The following CHD8 variants were observed in gnomAD, a reference collection of about 807,000 sequenced individuals.
CHD8 encodes chromodomain helicase DNA binding protein 8.
CHD8 carries 31 observed loss-of-function variants against 279.2 expected under a neutral mutation model. The observed-to-expected ratio is 0.11, with a 90% CI of 0.08 to 0.15. The LOEUF is 0.15. CHD8 is among the 10% of genes least tolerant of loss of function. CHD8 has a pLI of 1.00. For synonymous variants in CHD8, 1,081 were observed against 1,139.6 expected, an observed-to-expected ratio of 0.95 and a Z score of 1.04; for missense variants, 2,146 against 3,230.5, an observed-to-expected ratio of 0.66 and a Z score of 8.14.
intron 32 of CHD8, 86 bp from the exon 33 acceptor site, chr14:21,393,340 G>T: frequency 6.4e-7 from 1 of 1,554,822 alleles, no homozygotes; most frequent in Non-Finnish European, 8.7e-7. Flanking sequence ...TTGAATAAAG[G>T]CCCAAAGAAT....
At chr14:21,419,399 A>T (rs1435691278) in intron 5 of CHD8, among the ~76,000 whole-genome samples, 4 of 152,100 alleles carry the variant, frequency 2.6e-5, no homozygotes, top group African/African-American at 9.7e-5. Flanking sequence ...TCTCTACTAA[A>T]AATATAAAAA....
At chr14:21,389,856 G>A (rs1213477638) in intron 37 of CHD8, among the ~76,000 whole-genome samples, 6 of 152,078 alleles carry the variant, frequency 3.9e-5, no homozygotes, top group African/African-American at 1.4e-4. Flanking sequence ...CATATTATTA[G>A]TGATTCTCAA....
intron 1 of CHD8, among the ~76,000 whole-genome samples, chr14:21,440,039 C>T (rs1889916162): frequency 6.6e-6 from 1 of 152,154 alleles, no homozygotes; most frequent in African/African-American, 2.4e-5. Flanking sequence ...ACCCTCAACT[C>T]ACAGTAAGTA....
In CHD8 at chr14:21,403,273, C is replaced by T; in HGVS notation, c.3519-61G>A. On this transcript the variant is annotated intron_variant, in intron 17 of 37. Transcript: ENST00000646647. The surrounding 1 kb of genome is among the most constrained non-coding windows in gnomAD (Gnocchi z 4.3). Reference sequence around the variant, plus strand: ...TAAGCAGAAGTGGAGACCAAAACAGCAGGCTAGGATCAATACCAGTACTCC... The same window carrying T: ...TAAGCAGAAGTGGAGACCAAAACAGTAGGCTAGGATCAATACCAGTACTCC... The T allele has an allele frequency of 6.6e-7, 1 of 1,522,042 alleles. No individual in the cohort carries two copies. Among genetic ancestry groups the T allele is most frequent in the South Asian group, 1.2e-5 (1 of 85,010 alleles). The allele number at this position is 1,522,042 out of a possible 1,614,324, so 94.3% of individuals were successfully genotyped here.
intron 5 of CHD8, among the ~76,000 whole-genome samples, chr14:21,424,206 C>CA (rs1304623637): frequency 2.0e-5 from 3 of 151,960 alleles, no homozygotes; most frequent in Non-Finnish European, 4.4e-5. Context: ...TTTAAGATGG[C>CA]AAAAAAATCC....
In CHD8 at chr14:21,428,836, C is replaced by T; in HGVS notation, c.1215+128G>A. The T allele has an allele frequency of 6.7e-6, 5 of 750,126 alleles. 1 individual carries two copies. In the South Asian group the frequency reaches 9.6e-5, roughly 14 times the overall value. The allele number at this position is 750,126 out of a possible 1,614,324, so 46.5% of individuals were successfully genotyped here. ...GTTTCCATGAATGAAAGAATTAAGTCTGCACCTCAGTTCAGAGATATAAAT... is the reference window on the plus strand; with the variant it reads ...GTTTCCATGAATGAAAGAATTAAGTTTGCACCTCAGTTCAGAGATATAAAT... On this transcript the variant is annotated intron_variant, in intron 3 of 37. Coordinates refer to ENST00000646647, the MANE Select transcript of CHD8 (RefSeq NM_001170629.2).
At position 21,402,315 on chromosome 14, in the gene CHD8, C is replaced by G. The variant is rs1366406341; in HGVS notation, c.3882+21G>C. ...TCACAATGATCTACTACAAACTTAT[C>G]TATAAACTAAGAGGACTCACTCCAG... On this transcript the variant is annotated intron_variant, in intron 19 of 37. Coordinates refer to ENST00000646647, the MANE Select transcript of CHD8 (RefSeq NM_001170629.2). The surrounding 1 kb of genome is among the most constrained non-coding windows in gnomAD (Gnocchi z 4.5). The G allele has an allele frequency of 6.2e-7, 1 of 1,613,356 alleles. No homozygotes were observed. The highest frequency in any genetic ancestry group is 2.2e-5 in the East Asian group (1 of 44,874).
chr14:21,429,434 A>C lies in CHD8; in HGVS notation c.844-99T>G, dbSNP rs1267073065. ...TCTTCATGCTAGAATCATAAAAACT[A>C]CAGGTCAGAAGACACAGTACAACTC... On this transcript the variant is annotated intron_variant, in intron 2 of 37. Transcript: ENST00000646647. 7.4e-6 allele frequency: 9 copies of C among 1,215,092 alleles called. No individual in the cohort carries two copies. In the African/African-American group the frequency reaches 1.2e-4, roughly 16 times the overall value. The allele number at this position is 1,215,092 out of a possible 1,614,324, so 75.3% of individuals were successfully genotyped here.
At chr14:21,386,346 T>TTTTC (rs1887233919) in intron 37 of CHD8, 170 bp from the exon 38 acceptor site, 2 of 619,360 alleles carry the variant, frequency 3.2e-6, no homozygotes, top group African/African-American at 3.7e-5. Flanking sequence ...AAGGAGGAAA[T>TTTTC]GCTGGACTTA....
At chr14:21,404,863 ACT>A in intron 16 of CHD8, 1 of 215,950 alleles carries the variant, frequency 4.6e-6, no homozygotes, top group Non-Finnish European at 9.2e-6. Context: ...ACAGGGTCTC[ACT>A]CTGTCACCCA....
intron 5 of CHD8, chr14:21,416,361 TC>T (rs1322689862): frequency 6.5e-6 from 1 of 152,834 alleles, no homozygotes; most frequent in East Asian, 1.9e-4. Context: ...TAATGATATT[TC>T]CTGGAAATGT....
intron 37 of CHD8, among the ~76,000 whole-genome samples, chr14:21,390,561 C>T (rs1017125133): frequency 5.9e-5 from 9 of 152,084 alleles, no homozygotes; most frequent in African/African-American, 2.2e-4. Flanking sequence ...GGGTGGATCA[C>T]GAGGTCAGGA....
chr14:21,435,893 G>A (rs1276967135), intron 1 of CHD8, among the ~76,000 whole-genome samples: 2 of 152,138 alleles, frequency 1.3e-5, no homozygotes, highest in Non-Finnish European at 2.9e-5. Context: ...TCTTTGGGAT[G>A]GGATAAGATT....
At chr14:21,417,267 C>A (rs1888765943) in intron 5 of CHD8, among the ~76,000 whole-genome samples, 1 of 152,228 alleles carries the variant, frequency 6.6e-6, no homozygotes, top group African/African-American at 2.4e-5. Context: ...AATTCCACTT[C>A]AAAGATACTA....
In CHD8 at chr14:21,393,392, T is replaced by C. The variant is rs924855796; in HGVS notation, c.6319+84A>G. 1.1e-5 allele frequency: 16 copies of C among 1,500,870 alleles called. No homozygotes were observed. The African/African-American group carries it at 1.8e-4, about 17-fold the overall frequency. The allele number at this position is 1,500,870 out of a possible 1,614,324, so 93.0% of individuals were successfully genotyped here. ...TTTATCAAATCAAAATCCAAATCTC[T>C]CTCAAGAGGATGCATTTAGAAAAGG... On this transcript the variant is annotated intron_variant, in intron 32 of 37. Transcript: ENST00000646647.
intron 37 of CHD8, among the ~76,000 whole-genome samples, chr14:21,388,721 T>C (rs1887392289): frequency 6.6e-6 from 1 of 152,106 alleles, no homozygotes. Flanking sequence ...TGGGCACAAG[T>C]GATCCTCTTG....
Position 21,400,307 on chromosome 14 carries a change from C to T in CHD8, c.4571G>A (p.Gly1524Asp), listed in dbSNP as rs1198938688. ...GKTKELQNHSGLSIPVPRGRK... is the reference protein window; with the variant it reads ...GKTKELQNHSDLSIPVPRGRK... Reference sequence around the variant, plus strand: ...TCCACGAGGCACAGGGATAGATAGACCTGGGAAAGGGGAGACATCAAAGAC... The same window carrying T: ...TCCACGAGGCACAGGGATAGATAGATCTGGGAAAGGGGAGACATCAAAGAC... The change falls in exon 24 of 38, where the codon GGT (glycine) becomes GAT (aspartate). Residue 1524 changes from glycine to aspartate, a missense_variant and splice_region_variant. Around this residue, in one of 26 missense-constraint regions of CHD8, gnomAD observed 73 missense variants for 153.2 expected, o/e 0.48. Coordinates refer to ENST00000646647, the MANE Select transcript of CHD8 (RefSeq NM_001170629.2). The surrounding 1 kb of genome is among the most constrained non-coding windows in gnomAD (Gnocchi z 4.2). 1 of 1,613,672 alleles carries T rather than the reference C, an allele frequency of 6.2e-7. No homozygotes were observed. The highest frequency in any genetic ancestry group is 8.5e-7 in the Non-Finnish European group (1 of 1,179,822).
rs1426084401 is a variant in CHD8 at position 21,428,215 on chromosome 14, C to G, written c.1255G>C (p.Val419Leu). The G allele has an allele frequency of 6.2e-7, 1 of 1,614,002 alleles. No individual in the cohort carries two copies. The highest frequency in any genetic ancestry group is 8.5e-7 in the Non-Finnish European group (1 of 1,179,892). The stretch of plus-strand genomic sequence containing the variant: ...ACTTCACTGGCACTCAGAACTTTAA[C>G]TACAGAGAGCCCAGAAGAGGCCCCT... ...SQGASSGLSV[V>L]KVLSASEVAA... The change falls in exon 4 of 38, where the codon GTT becomes CTT. Residue 419 changes from valine to leucine, a missense_variant. Transcript: ENST00000646647.
Position 21,403,388 on chromosome 14 carries a change from CCCT to C in CHD8, c.3518+62_3518+64del. 1 of 1,358,168 alleles carries C rather than the reference CCCT, an allele frequency of 7.4e-7. No homozygotes were observed. The highest frequency in any genetic ancestry group is 1.0e-6 in the Non-Finnish European group (1 of 971,520). The allele number at this position is 1,358,168 out of a possible 1,614,324, so 84.1% of individuals were successfully genotyped here. On this transcript the variant is annotated intron_variant, in intron 17 of 37. Coordinates refer to ENST00000646647, the MANE Select transcript of CHD8 (RefSeq NM_001170629.2). This position sits in a 1 kb window ranked among gnomAD's most constrained non-coding sequence, Gnocchi z 4.3. ...TTGGTGAACTCTAATTAAATCCAGG[CCCT>C]CCTACTTTTTGCTGCTTTATGAGGA...
Sources: allele counts gnomAD v4.1 joint callset (sites outside exome capture counted in the v4.1 genomes callset), GRCh38; gene constraint gnomAD v4.1.1; regional missense constraint gnomAD v4.1.1; non-coding constraint Gnocchi (gnomAD v3.1); transcripts MANE v1.5; gene names NCBI Gene and HGNC (gene_info 2026-07-23, HGNC 2026-07-21).